SIDT1: variants seen among roughly 807,000 people sequenced by gnomAD.
The protein encoded by SIDT1 is SID1 transmembrane family member 1, also known as SID1 transmembrane family, member 1.
A neutral mutation model predicts 107.5 loss-of-function variants in SIDT1; 101 were observed. The observed-to-expected ratio is 0.94, with a 90% CI of 0.80 to 1.11. The LOEUF (loss-of-function observed/expected upper bound fraction) is 1.11. Among genes scored for constraint, SIDT1 ranks in the 50% least tolerant of loss-of-function variants. The pLI, the probability that SIDT1 is intolerant of heterozygous loss-of-function variation, is 0.00. For missense variants in SIDT1, 1,076 were observed against 1,058.2 expected (o/e 1.02, Z -0.23); for synonymous variants, 395 against 398.2 (o/e 0.99, Z 0.10).
intron 1 of SIDT1, among the ~76,000 whole-genome samples, chr3:113,542,081 G>A (rs748254921): frequency 5.3e-5 from 8 of 151,566 alleles, no homozygotes; most frequent in East Asian, 1.9e-4. Context: ...GTGCCACCAC[G>A]CCCAGCTAAT....
At chr3:113,582,467 C>T (rs1412862140) in intron 6 of SIDT1, among the ~76,000 whole-genome samples, 1 of 152,144 alleles carries the variant, frequency 6.6e-6, no homozygotes, top group African/African-American at 2.4e-5. Flanking sequence ...TCTTGTTTTT[C>T]AGTATTTCTT....
Position 113,556,648 on chromosome 3 carries a change from G to T in SIDT1, c.223-9772G>T, listed in dbSNP as rs528486478. Among the ~76,000 whole-genome samples the T allele has an allele frequency of 2.0e-5, 3 of 152,216 alleles. No homozygotes were observed. In the East Asian group the frequency reaches 5.8e-4, roughly 29 times the overall value. On this transcript the variant is annotated intron_variant, in intron 1 of 24. Transcript: ENST00000264852. ...AAGTGGTTTCCTGGGCTCAGCCAAGGGAACACAAGGGGAAGGCTTTGATAG... is the reference window on the plus strand; with the variant it reads ...AAGTGGTTTCCTGGGCTCAGCCAAGTGAACACAAGGGGAAGGCTTTGATAG...
intron 21 of SIDT1, among the ~76,000 whole-genome samples, chr3:113,623,032 A>T (rs981618937): frequency 2.0e-5 from 3 of 151,614 alleles, no homozygotes; most frequent in Admixed American, 6.6e-5. Flanking sequence ...TACAAAAAAA[A>T]TTTTAAAAGT....
Position 113,567,558 on chromosome 3 carries a change from C to T in SIDT1, c.363C>T (p.Asn121=), listed in dbSNP as rs2292511. 365,291 of 1,611,970 alleles carry T rather than the reference C, an allele frequency of 0.23. 46,087 individuals carry two copies. Among genetic ancestry groups the T allele is most frequent in the East Asian group, 0.6 (27,042 of 44,760 alleles). Reference sequence around the variant, plus strand: ...GCTTCAGATACCAGAGGAGCTACAACTATCAAGAAGTGAGCCGCACCTTAT... The same window carrying T: ...GCTTCAGATACCAGAGGAGCTACAATTATCAAGAAGTGAGCCGCACCTTAT... The part of the protein sequence containing the change: ...LFQGLYQRSY[N]YQEVSRTLCP... Residue 121 remains asparagine, a synonymous_variant, in exon 3 of 25, where the codon AAC becomes AAT. Coordinates refer to ENST00000264852, the MANE Select transcript of SIDT1 (RefSeq NM_017699.3).
intron 20 of SIDT1, among the ~76,000 whole-genome samples, chr3:113,616,736 T>C (rs1275767280): frequency 1.3e-5 from 2 of 151,450 alleles, no homozygotes; most frequent in Non-Finnish European, 2.9e-5. Context: ...TGGCCCAGGC[T>C]GGAGTGCAGT....
chr3:113,583,646 A>T, intron 7 of SIDT1, 150 bp downstream of exon 7: 1 of 499,934 alleles, frequency 2.0e-6, no homozygotes, highest in Non-Finnish European at 3.6e-6. Context: ...CTTGAGAAAA[A>T]AAACGAAAGA....
intron 12 of SIDT1, among the ~76,000 whole-genome samples, chr3:113,603,455 T>C (rs41271365): frequency 0.2 from 31,120 of 152,078 alleles, 3,285 homozygotes; most frequent in Non-Finnish European, 0.21. Flanking sequence ...AAAGATTCAT[T>C]TGAGGGGTGT....
chr3:113,578,714 G>T (rs1200464021), intron 4 of SIDT1, among the ~76,000 whole-genome samples: 1 of 152,080 alleles, frequency 6.6e-6, no homozygotes, highest in Non-Finnish European at 1.5e-5. Flanking sequence ...AATTAGCCGG[G>T]TATGGTAGCT....
intron 1 of SIDT1, among the ~76,000 whole-genome samples, chr3:113,540,830 C>G (rs889860859): frequency 6.6e-6 from 1 of 152,124 alleles, no homozygotes; most frequent in Admixed American, 6.5e-5. Flanking sequence ...TTTTATAATG[C>G]CCTTAGTCTC....
intron 7 of SIDT1, 150 bp from the exon 8 acceptor site, chr3:113,584,548 G>A: frequency 1.7e-6 from 1 of 596,066 alleles, no homozygotes; most frequent in East Asian, 3.2e-5. Flanking sequence ...AGGTTTGGGG[G>A]TTACATATTC....
At chr3:113,578,345 T>C (rs4560272) in intron 4 of SIDT1, among the ~76,000 whole-genome samples, 41,626 of 151,488 alleles carry the variant, frequency 0.27, 6,263 homozygotes, top group East Asian at 0.59. Flanking sequence ...CGGGCGCCTG[T>C]GGTCCCAGCT....
At chr3:113,572,458 A>G (rs1942545188) in intron 3 of SIDT1, among the ~76,000 whole-genome samples, 2 of 152,218 alleles carry the variant, frequency 1.3e-5, no homozygotes, top group African/African-American at 4.8e-5. Flanking sequence ...ATGCTAGACT[A>G]TGGAGTAGAA....
chr3:113,576,839 C>A, intron 3 of SIDT1, 83 bp from the exon 4 acceptor site: 1 of 1,442,232 alleles, frequency 6.9e-7, no homozygotes, highest in Non-Finnish European at 9.8e-7. Context: ...AGATGGCTTT[C>A]TTTTAAATAA....
chr3:113,583,349 G>A (rs1020788945), intron 6 of SIDT1, 60 bp from the exon 7 acceptor site: 1 of 1,292,572 alleles, frequency 7.7e-7, no homozygotes. Flanking sequence ...TACCCCCAGG[G>A]ACTTTCTCCC....
chr3:113,552,808 G>T (rs1458578836), intron 1 of SIDT1, among the ~76,000 whole-genome samples: 1 of 152,182 alleles, frequency 6.6e-6, no homozygotes, highest in Admixed American at 6.6e-5. Flanking sequence ...CCCAAGCACA[G>T]GTCCTGTATC....
At chr3:113,630,497 C>G (rs531918466), downstream of SIDT1, among the ~76,000 whole-genome samples, 40 of 152,186 alleles carry the variant, frequency 2.6e-4, no homozygotes, top group Non-Finnish European at 5.1e-4. Context: ...CTCTTCGTAA[C>G]TCCAGGCACC....
intron 10 of SIDT1, among the ~76,000 whole-genome samples, chr3:113,594,093 C>T (rs1330014863): frequency 6.6e-6 from 1 of 152,214 alleles, no homozygotes; most frequent in East Asian, 1.9e-4. Context: ...GTGTTTTCCA[C>T]ACTTAAATGA....
intron 3 of SIDT1, among the ~76,000 whole-genome samples, chr3:113,574,858 T>G (rs1308530487): frequency 6.6e-6 from 1 of 152,194 alleles, no homozygotes; most frequent in Non-Finnish European, 1.5e-5. Flanking sequence ...ATTTTTATAC[T>G]TCTTTCTCTA....
Position 113,609,835 on chromosome 3 carries a change from A to G in SIDT1, c.1721-1173A>G, listed in dbSNP as rs76569810. On this transcript the variant is annotated intron_variant, in intron 17 of 24. Transcript: ENST00000264852. Reference sequence around the variant, plus strand: ...CATTTTTAAATATTTGCCTAGATCTACTTTTTAAAGAATAAAGCACTGTGA... The same window carrying G: ...CATTTTTAAATATTTGCCTAGATCTGCTTTTTAAAGAATAAAGCACTGTGA... Among the ~76,000 whole-genome samples the G allele has an allele frequency of 3.9e-3, 590 of 152,298 alleles. 4 individuals are homozygous for G. The highest frequency in any genetic ancestry group is 0.014 in the African/African-American group (564 of 41,572).
Sources: gnomAD v4.1 joint callset for allele counts (sites outside exome capture counted in the v4.1 genomes callset) on GRCh38, gnomAD v4.1.1 for gene constraint, MANE v1.5 for transcripts, NCBI Gene and HGNC (gene_info 2026-07-23, HGNC 2026-07-21) for gene names.